ARSL: variants seen among roughly 807,000 people sequenced by gnomAD.
The protein encoded by ARSL is arylsulfatase E (chondrodysplasia punctata 1).
In ARSL, 4 loss-of-function variants were observed where a neutral mutation model predicts 31.1. The ratio of observed to expected loss-of-function variants is 0.13; its 90% CI spans 0.06 to 0.29. The LOEUF is 0.29. ARSL is among the 10% of genes least tolerant of loss of function. The probability of loss-of-function intolerance (pLI) is 1.00; values close to 1 mark genes in which losing one functional copy is unlikely to be tolerated. For synonymous variants in ARSL, 198 were observed against 209.9 expected (o/e 0.94, Z 0.49); for missense variants, 312 against 497.8 (o/e 0.63, Z 3.55).
intron 8 of ARSL, among the ~76,000 whole-genome samples, chrX:2,938,786 T>A (rs1435076796): frequency 8.9e-6 from 1 of 111,979 alleles, no homozygotes; most frequent in Non-Finnish European, 1.9e-5. Flanking sequence ...TTTGCAGATA[T>A]AATCAAGTTA....
intron 6 of ARSL, among the ~76,000 whole-genome samples, chrX:2,946,700 G>A (rs1205701054): frequency 9.7e-6 from 1 of 102,651 alleles, no homozygotes; most frequent in African/African-American, 3.6e-5. Context: ...GACGGATTGT[G>A]GCTCTGTCGC....
chrX:2,943,310 T>C (rs2089307521), intron 7 of ARSL, 111 bp from the exon 8 acceptor site: 8 of 965,798 alleles, frequency 8.3e-6, no homozygotes, highest in Non-Finnish European at 1.2e-5. Flanking sequence ...GAAGCCTTAG[T>C]TTTAACGCAT....
In ARSL at chrX:2,960,830, CAG is replaced by C. The variant is rs775555056; in HGVS notation, c.-20-412_-20-411del. ...GGGTGATTCCTAATGTCCAGAAATG[CAG>C]AGAGAGAGTCCTGATTTGGAAGGGG... On this transcript the variant is annotated intron_variant, in intron 1 of 10. Coordinates refer to ENST00000381134, the MANE Select transcript of ARSL (RefSeq NM_000047.3). 6.2e-4 allele frequency among the ~76,000 whole-genome samples: 69 copies of C among 111,100 alleles called. 1 individual carries two copies. The highest frequency in any genetic ancestry group is 4.9e-3 in the Admixed American group (51 of 10,357).
rs1047595002 is a variant in ARSL at position 2,961,739 on chromosome X, G to A, written c.-20-1319C>T. ...AGACTCTAGCACCTTTTAAAAGTCTGAATAGGAAACAATTGTCATCTATTG... is the reference window on the plus strand; with the variant it reads ...AGACTCTAGCACCTTTTAAAAGTCTAAATAGGAAACAATTGTCATCTATTG... On this transcript the variant is annotated intron_variant, in intron 1 of 10. Coordinates refer to ENST00000381134, the MANE Select transcript of ARSL (RefSeq NM_000047.3). Among the ~76,000 whole-genome samples, 3 of 110,855 alleles carry A rather than the reference G, an allele frequency of 2.7e-5. No individual in the cohort carries two copies. In the Admixed American group the frequency reaches 2.9e-4, roughly 11 times the overall value.
upstream of ARSL, among the ~76,000 whole-genome samples, chrX:2,967,847 T>C (rs2089710438): frequency 9.0e-6 from 1 of 111,133 alleles, no homozygotes; most frequent in Admixed American, 9.6e-5. Context: ...TCTTCGATGT[T>C]CAGTGCACGT....
chrX:2,949,221 A>G, intron 6 of ARSL, 83 bp downstream of exon 6: 2 of 1,122,272 alleles, frequency 1.8e-6, no homozygotes, highest in South Asian at 1.9e-5. Flanking sequence ...ATGAGCCACC[A>G]TGCCTGACTG....
chrX:2,934,563 A>G lies in ARSL; in HGVS notation c.*269T>C, dbSNP rs1447638010. On this transcript the variant is annotated 3_prime_UTR_variant, in exon 11 of 11. Transcript: ENST00000381134. Reference sequence around the variant, plus strand: ...CAATCATAGCTCAGTACAGCCTCCAACTCCGGTGCTCAAATGATCCTCCTG... The same window carrying G: ...CAATCATAGCTCAGTACAGCCTCCAGCTCCGGTGCTCAAATGATCCTCCTG... The G allele has an allele frequency of 3.0e-6, 1 of 335,491 alleles. No individual in the cohort carries two copies. The highest frequency in any genetic ancestry group is 5.2e-6 in the Non-Finnish European group (1 of 193,904). 27.6% of individuals were successfully genotyped at this position (335,491 alleles called of 1,213,427 possible).
At position 2,949,327 on chromosome X, in the gene ARSL, C is replaced by A. The variant is rs1224550179; in HGVS notation, c.831G>T (p.Gln277His). 1 of 1,211,659 alleles carries A rather than the reference C, an allele frequency of 8.3e-7. No individual in the cohort carries two copies. Among genetic ancestry groups the A allele is most frequent in the Admixed American group, 2.2e-5 (1 of 45,974 alleles). The change falls in exon 6 of 11, where the codon CAG (glutamine) becomes CAT (histidine). Residue 277 changes from glutamine (Q) to histidine (H), a missense_variant. By Grantham distance (24) the Gln-to-His change is conservative. Coordinates refer to ENST00000381134, the MANE Select transcript of ARSL (RefSeq NM_000047.3). ...ACCTTTTGAGAAAGGACGCAACCTC[C>A]TGCAGAATAAGGGGTGTCGTTCTTT... ...CFQRTTPLIL[Q>H]EVASFLKRNK...
chrX:2,946,159 A>C, intron 6 of ARSL, 25 bp from the exon 7 acceptor site: 1 of 1,207,540 alleles, frequency 8.3e-7, no homozygotes, highest in Middle Eastern at 2.4e-4. Context: ...GAAGCAATTA[A>C]GGTGACTTTT....
At chrX:2,959,785 G>A in intron 2 of ARSL, 1 of 1,054,444 alleles carries the variant, frequency 9.5e-7, no homozygotes. Context: ...GTCAGGCGTG[G>A]TGGCTCATGC....
chrX:2,956,882 G>T, intron 3 of ARSL, among the ~76,000 whole-genome samples: 1 of 109,982 alleles, frequency 9.1e-6, no homozygotes, highest in Non-Finnish European at 1.9e-5. Context: ...GAATAACTAG[G>T]ATTACAGGTG....
intron 8 of ARSL, among the ~76,000 whole-genome samples, chrX:2,940,938 A>C (rs1031692194): frequency 2.7e-5 from 3 of 111,547 alleles, no homozygotes; most frequent in African/African-American, 9.8e-5. Flanking sequence ...TGTCTCAATA[A>C]AAATAAATAA....
At chrX:2,960,493 A>C (rs925854692) in intron 1 of ARSL, 73 bp from the exon 2 acceptor site, 114 of 1,043,318 alleles carry the variant, frequency 1.1e-4, no homozygotes, top group Non-Finnish European at 1.4e-4. Flanking sequence ...AACAGTAAGT[A>C]AGTAATTAGG....
At chrX:2,948,343 CA>C (rs1184544411) in intron 6 of ARSL, among the ~76,000 whole-genome samples, 13 of 111,081 alleles carry the variant, frequency 1.2e-4, no homozygotes, top group African/African-American at 4.3e-4. Context: ...TGAATTCTGC[CA>C]AAAGACATCT....
chrX:2,954,628 G>GTAT (rs761061951), intron 4 of ARSL, among the ~76,000 whole-genome samples: 13 of 111,129 alleles, frequency 1.2e-4, no homozygotes, highest in African/African-American at 3.0e-4. Context: ...TAGGTGTTAT[G>GTAT]TATTATTATT....
intron 1 of ARSL, among the ~76,000 whole-genome samples, chrX:2,961,824 T>A (rs2089639400): frequency 9.0e-6 from 1 of 110,693 alleles, no homozygotes. Flanking sequence ...ATCTTTTCTC[T>A]TAACCTGAAG....
At chrX:2,943,993 A>G (rs1221217812) in intron 7 of ARSL, among the ~76,000 whole-genome samples, 1 of 109,843 alleles carries the variant, frequency 9.1e-6, no homozygotes, top group Non-Finnish European at 1.9e-5. Context: ...AGCCTGAACA[A>G]CACAGCAAGA....
At chrX:2,944,261 C>T (rs916158613) in intron 7 of ARSL, among the ~76,000 whole-genome samples, 2 of 109,299 alleles carry the variant, frequency 1.8e-5, no homozygotes, top group Middle Eastern at 4.3e-3. Context: ...CGAGACCAGC[C>T]TGGCCAACAT....
chrX:2,937,422 G>T (rs2089218532), intron 9 of ARSL, among the ~76,000 whole-genome samples: 1 of 109,791 alleles, frequency 9.1e-6, no homozygotes, highest in Admixed American at 9.8e-5. Context: ...AAAAAAAGCT[G>T]AAAGAGCCAG....
Sources: allele counts gnomAD v4.1 joint callset (sites outside exome capture counted in the v4.1 genomes callset), GRCh38; gene constraint gnomAD v4.1.1; transcripts MANE v1.5; gene names NCBI Gene and HGNC (gene_info 2026-07-23, HGNC 2026-07-21).